The following TBC1D4 variants were observed in gnomAD, a reference collection of about 807,000 sequenced individuals.
TBC1D4 encodes TBC (Tre-2, BUB2, CDC16) domain-containing protein.
Under a neutral mutation model 142.5 loss-of-function variants are expected in TBC1D4, and 121 were observed. That is an observed-to-expected ratio of 0.85 (90% CI 0.73 to 0.99). The LOEUF is 0.99. Ranked by LOEUF, TBC1D4 falls within the 50% of genes least tolerant of loss-of-function variation. The probability of loss-of-function intolerance (pLI) is 0.00; values close to 1 mark genes in which losing one functional copy is unlikely to be tolerated. For missense variants in TBC1D4, 1,475 were observed against 1,606.6 expected (o/e 0.92, Z 1.40); for synonymous variants, 630 against 628.2 (o/e 1.00, Z -0.04).
intron 1 of TBC1D4, among the ~76,000 whole-genome samples, chr13:75,416,797 G>A (rs1249918972): frequency 6.6e-6 from 1 of 152,188 alleles, no homozygotes; most frequent in Non-Finnish European, 1.5e-5. Context: ...AAGGGAAAGT[G>A]TCACCCTCCA....
intron 5 of TBC1D4, among the ~76,000 whole-genome samples, chr13:75,343,329 A>G (rs773854139): frequency 1.3e-5 from 2 of 152,232 alleles, no homozygotes; most frequent in East Asian, 3.8e-4. Context: ...CCACACGGCC[A>G]CCAGGCCTGC....
chr13:75,320,061 A>G, intron 11 of TBC1D4, 24 bp from the exon 12 acceptor site: 1 of 1,613,030 alleles, frequency 6.2e-7, no homozygotes, highest in African/African-American at 1.3e-5. Context: ...AAAACAAGGA[A>G]TGGAATTAGC....
intron 17 of TBC1D4, among the ~76,000 whole-genome samples, chr13:75,295,730 A>G (rs1416497607): frequency 1.3e-5 from 2 of 152,216 alleles, no homozygotes; most frequent in Non-Finnish European, 2.9e-5. Flanking sequence ...TTTTAAACTC[A>G]TATCTGTGAT....
At chr13:75,322,579 G>C (rs1383253659) in intron 11 of TBC1D4, among the ~76,000 whole-genome samples, 2 of 152,136 alleles carry the variant, frequency 1.3e-5, no homozygotes, top group Non-Finnish European at 2.9e-5. Context: ...CCACTTTTGT[G>C]CTTTACATCC....
At chr13:75,387,054 C>G (rs1418140876) in intron 1 of TBC1D4, among the ~76,000 whole-genome samples, 1 of 151,866 alleles carries the variant, frequency 6.6e-6, no homozygotes. Context: ...GAAATTATAA[C>G]TGAGAAAATT....
chr13:75,357,210 G>T (rs532141929), intron 3 of TBC1D4, among the ~76,000 whole-genome samples: 2 of 152,202 alleles, frequency 1.3e-5, no homozygotes, highest in East Asian at 1.9e-4. Flanking sequence ...TTGATAAATG[G>T]TTGCCCCTAT....
At position 75,481,319 on chromosome 13, in the gene TBC1D4, G is replaced by A. The variant is rs1002796555; in HGVS notation, c.449C>T (p.Pro150Leu). ...AACGTGGCAGGCCATCTGCGACTCG[G>A]GGTCGTCGGGCTGCGCCTTGATCAG... is the stretch of plus-strand genomic sequence containing the variant. The part of the protein sequence containing the change: ...AYLIKAQPDD[P>L]ESQMACHVFR... Residue 150 changes from proline to leucine, a missense_variant, in exon 1 of 21, where the codon CCC becomes CTC. Pro to Leu is a moderately conservative substitution (Grantham distance 98). Around this residue, in one of 2 missense-constraint regions of TBC1D4, gnomAD observed 1,227 missense variants for 1,267.7 expected, o/e 0.97. Coordinates refer to ENST00000377636, the MANE Select transcript of TBC1D4 (RefSeq NM_014832.5). 1 of 1,613,792 alleles carries A rather than the reference G, an allele frequency of 6.2e-7. No homozygotes were observed. The highest frequency in any genetic ancestry group is 2.2e-5 in the East Asian group (1 of 44,880).
intron 1 of TBC1D4, among the ~76,000 whole-genome samples, chr13:75,395,786 T>C (rs568786717): frequency 3.9e-5 from 6 of 152,090 alleles, no homozygotes; most frequent in African/African-American, 1.4e-4. Flanking sequence ...GCCGAGATCG[T>C]ACCACTGCAC....
At chr13:75,290,731 C>T (rs991164983) in intron 19 of TBC1D4, among the ~76,000 whole-genome samples, 3 of 151,924 alleles carry the variant, frequency 2.0e-5, no homozygotes, top group Admixed American at 1.3e-4. Flanking sequence ...TTACAGGGTA[C>T]AAAATACTTT....
chr13:75,481,482 C>T lies in TBC1D4; in HGVS notation c.286G>A (p.Ala96Thr). Residue 96 changes from alanine to threonine, a missense_variant, in exon 1 of 21, where the codon GCG becomes ACG. Physicochemically the swap from Ala to Thr is moderately conservative, Grantham distance 58. This residue lies in a region of TBC1D4 where 1,227 missense variants were observed against 1,267.7 expected (regional missense o/e 0.97). Coordinates refer to ENST00000377636, the MANE Select transcript of TBC1D4 (RefSeq NM_014832.5). ...CCCCCCGAGGCCCCAGCGCCCGGCG[C>T]GGGGACGCAACGCAGGAAGGGCGCG... ...LSAPFLRCVPAPGAGASGGTS... is the reference protein window; with the variant it reads ...LSAPFLRCVPTPGAGASGGTS... 6.2e-7 allele frequency: 1 copy of T among 1,612,874 alleles called. No individual in the cohort carries two copies. Among genetic ancestry groups the T allele is most frequent in the South Asian group, 1.1e-5 (1 of 90,970 alleles).
chr13:75,427,149 C>T (rs1037782734), intron 1 of TBC1D4, among the ~76,000 whole-genome samples: 11 of 151,062 alleles, frequency 7.3e-5, no homozygotes, highest in South Asian at 4.2e-4. Context: ...AGTGCAGTGG[C>T]GCGATCTCGC....
rs1179767333 is a variant in TBC1D4 at position 75,312,394 on chromosome 13, C to T, written c.2383+344G>A. Among the ~76,000 whole-genome samples the T allele has an allele frequency of 3.0e-5, 4 of 133,336 alleles. No homozygotes were observed. In the Middle Eastern group the frequency reaches 0.011, roughly 365 times the overall value. The allele number at this position is 133,336 out of a possible 152,430, so 87.5% of individuals were successfully genotyped here. A position where few individuals can be genotyped will look rare whatever the true frequency, so the allele number is the denominator to read the frequency against. On this transcript the variant is annotated intron_variant, in intron 13 of 20. Coordinates refer to ENST00000377636, the MANE Select transcript of TBC1D4 (RefSeq NM_014832.5). ...ACCACTGCAACCCCAGCCTGGGCAA[C>T]AGAGCAAGGCCCAATCTCTGGGAAA... is the stretch of plus-strand genomic sequence containing the variant.
chr13:75,357,480 A>C (rs1039166429), intron 3 of TBC1D4, among the ~76,000 whole-genome samples: 2 of 151,140 alleles, frequency 1.3e-5, no homozygotes, highest in African/African-American at 4.9e-5. Context: ...TTCCCTTCTC[A>C]CCTCCCCAAC....
rs78102295 is a variant in TBC1D4, at chr13:75,430,559, G to C, written c.498+50711C>G. Among the ~76,000 whole-genome samples, 904 of 152,314 alleles carry C rather than the reference G, an allele frequency of 5.9e-3. 10 individuals are homozygous for C. Among genetic ancestry groups the C allele is most frequent in the African/African-American group, 0.021 (876 of 41,576 alleles). Reference sequence around the variant, plus strand: ...GAGAAACTGACAGAAATAGGGAAGAGGACATCTCAAGGGCTTTTCTTGTTA... The same window carrying C: ...GAGAAACTGACAGAAATAGGGAAGACGACATCTCAAGGGCTTTTCTTGTTA... On this transcript the variant is annotated intron_variant, in intron 1 of 20. Transcript: ENST00000377636.
intron 1 of TBC1D4, among the ~76,000 whole-genome samples, chr13:75,393,664 G>A (rs1027383232): frequency 6.6e-6 from 1 of 152,158 alleles, no homozygotes; most frequent in Non-Finnish European, 1.5e-5. Flanking sequence ...GGGCACAGTG[G>A]CTCATGCCTG....
At chr13:75,411,293 T>C (rs1467596420) in intron 1 of TBC1D4, among the ~76,000 whole-genome samples, 1 of 152,212 alleles carries the variant, frequency 6.6e-6, no homozygotes, top group Admixed American at 6.5e-5. Context: ...TACCACTTAG[T>C]ATGAAACAGG....
At chr13:75,448,438 G>A (rs1007741511) in intron 1 of TBC1D4, among the ~76,000 whole-genome samples, 8 of 151,732 alleles carry the variant, frequency 5.3e-5, no homozygotes, top group African/African-American at 9.7e-5. Flanking sequence ...ACGTGGTGGC[G>A]CATCCTGTAA....
chr13:75,294,990 C>A lies in TBC1D4; in HGVS notation c.3180G>T (p.Arg1060Ser). 3 of 1,613,540 alleles carry A rather than the reference C, an allele frequency of 1.9e-6. No homozygotes were observed. The highest frequency in any genetic ancestry group is 2.5e-6 in the Non-Finnish European group (3 of 1,179,748). The part of the protein sequence containing the change: ...SLQIQMYQLS[R>S]LLHDYHRDLY... ...GATCTCTGTGATAGTCATGAAGGAGCCTGGACAGCTGGTACATTTGAATCT... is the reference window on the plus strand; with the variant it reads ...GATCTCTGTGATAGTCATGAAGGAGACTGGACAGCTGGTACATTTGAATCT... The change falls in exon 18 of 21, where the codon AGG becomes AGT. Residue 1060 changes from arginine to serine, a missense_variant. Transcript: ENST00000377636.
At chr13:75,325,845 T>C (rs994154361) in intron 10 of TBC1D4, among the ~76,000 whole-genome samples, 1 of 152,224 alleles carries the variant, frequency 6.6e-6, no homozygotes, top group Non-Finnish European at 1.5e-5. Context: ...TCTAATGCTA[T>C]GTTATTTTCA....
Sources: gnomAD v4.1 joint callset for allele counts (sites outside exome capture counted in the v4.1 genomes callset) on GRCh38, gnomAD v4.1.1 for gene constraint, gnomAD v4.1.1 regional missense constraint, MANE v1.5 for transcripts, NCBI Gene and HGNC (gene_info 2026-07-23, HGNC 2026-07-21) for gene names.